Variants in HCRTR2 observed in about 807,000 individuals in gnomAD.
The protein encoded by HCRTR2 is hypocretin receptor 2, also known as orexin receptor type 2.
In HCRTR2, 22 loss-of-function variants were observed where a neutral mutation model predicts 49.0. The ratio of observed to expected loss-of-function variants is 0.45; its 90% confidence interval spans 0.32 to 0.64. The LOEUF (loss-of-function observed/expected upper bound fraction) is 0.64. HCRTR2 is among the 30% of genes least tolerant of loss of function. The pLI is 0.04. For synonymous variants in HCRTR2, 236 were observed against 205.3 expected, an observed-to-expected ratio of 1.15 and a Z score of -1.28; for missense variants, 491 against 559.4, an observed-to-expected ratio of 0.88 and a Z score of 1.23.
At chr6:55,149,215 T>C (rs762030451) in intron 1 of HCRTR2, among the ~76,000 whole-genome samples, 6 of 152,096 alleles carry the variant, frequency 3.9e-5, no homozygotes, top group Non-Finnish European at 5.9e-5. Flanking sequence ...ACAGTTTTGT[T>C]TTGTGGAAAA....
At chr6:55,263,077 A>G (rs1316285734) in intron 3 of HCRTR2, among the ~76,000 whole-genome samples, 1 of 151,980 alleles carries the variant, frequency 6.6e-6, no homozygotes, top group Non-Finnish European at 1.5e-5. Flanking sequence ...ATAAAAGCAT[A>G]CACACACCAC....
At chr6:55,282,012 G>T (rs901398629) in intron 6 of HCRTR2, among the ~76,000 whole-genome samples, 1 of 152,040 alleles carries the variant, frequency 6.6e-6, no homozygotes, top group Admixed American at 6.6e-5. Flanking sequence ...TATGTGAAAG[G>T]CAGCCTCGTT....
In HCRTR2 at chr6:55,231,701, G is replaced by A. The variant is rs974033816; in HGVS notation, c.224-16938G>A. 4.6e-5 allele frequency among the ~76,000 whole-genome samples: 7 copies of A among 152,238 alleles called. No individual in the cohort carries two copies. The South Asian group carries it at 1.5e-3, about 32-fold the overall frequency. On this transcript the variant is annotated intron_variant, in intron 1 of 6. Transcript: ENST00000370862. ...TTGTTAAAGAGAAAAGATTGCCAAG[G>A]CTTGCAGACTTGTGAGGTGGTTAAA...
intron 1 of HCRTR2, among the ~76,000 whole-genome samples, chr6:55,152,836 A>C (rs915633200): frequency 6.6e-6 from 1 of 152,020 alleles, no homozygotes; most frequent in African/African-American, 2.4e-5. Context: ...ATGGTTACCA[A>C]GTATTTTATT....
chr6:55,270,157 T>C (rs749722748), intron 4 of HCRTR2, among the ~76,000 whole-genome samples: 2 of 152,176 alleles, frequency 1.3e-5, no homozygotes, highest in Non-Finnish European at 2.9e-5. Flanking sequence ...AAAAGATGCA[T>C]TTATTAAATG....
rs1284092003 is a variant in HCRTR2, at chr6:55,255,262, T to C, written c.529T>C (p.Trp177Arg). The change falls in exon 3 of 7, where the codon TGG (tryptophan) becomes CGG (arginine). Residue 177 changes from tryptophan to arginine, a missense_variant. Physicochemically the swap from Trp to Arg is moderately radical, Grantham distance 101. Coordinates refer to ENST00000370862, the MANE Select transcript of HCRTR2 (RefSeq NM_001384272.1). ...GGCCCGTAACAGCATTGTCATCATCTGGATTGTCTCCTGCATTATAATGAT... is the reference window on the plus strand; with the variant it reads ...GGCCCGTAACAGCATTGTCATCATCCGGATTGTCTCCTGCATTATAATGAT... The part of the protein sequence containing the change: ...KRARNSIVII[W>R]IVSCIIMIPQ... The C allele has an allele frequency of 6.2e-7, 1 of 1,614,070 alleles. No homozygotes were observed.
chr6:55,137,547 G>A (rs77357775), intron 1 of HCRTR2, among the ~76,000 whole-genome samples: 4 of 152,294 alleles, frequency 2.6e-5, no homozygotes, highest in African/African-American at 7.2e-5. Context: ...GTAGGGCTGT[G>A]ATTATTAATC....
intron 1 of HCRTR2, among the ~76,000 whole-genome samples, chr6:55,108,665 G>A (rs1561973482): frequency 2.0e-5 from 3 of 152,122 alleles, no homozygotes; most frequent in Admixed American, 2.0e-4. Flanking sequence ...TGGCCCCTAA[G>A]GAAGCCCAGG....
At chr6:55,231,911 A>G (rs1385158340) in intron 1 of HCRTR2, among the ~76,000 whole-genome samples, 1 of 152,134 alleles carries the variant, frequency 6.6e-6, no homozygotes, top group East Asian at 1.9e-4. Context: ...AACGTGTTCC[A>G]AAGAAAACTC....
chr6:55,249,366 A>G (rs1246997552), intron 2 of HCRTR2, among the ~76,000 whole-genome samples: 1 of 152,130 alleles, frequency 6.6e-6, no homozygotes, highest in Non-Finnish European at 1.5e-5. Flanking sequence ...GTTTTAGTGT[A>G]GATTCTAATT....
At chr6:55,149,026 T>C (rs1416130659) in intron 1 of HCRTR2, among the ~76,000 whole-genome samples, 3 of 152,108 alleles carry the variant, frequency 2.0e-5, no homozygotes, top group Non-Finnish European at 4.4e-5. Flanking sequence ...ACTCAAAACA[T>C]TTGCATGAAT....
chr6:55,252,171 A>T (rs1314882868), intron 2 of HCRTR2, among the ~76,000 whole-genome samples: 2 of 152,088 alleles, frequency 1.3e-5, no homozygotes, highest in East Asian at 3.9e-4. Context: ...GGGTTCATTC[A>T]ATGGATTGGT....
At chr6:55,207,316 G>A (rs1234986448) in intron 1 of HCRTR2, among the ~76,000 whole-genome samples, 1 of 152,048 alleles carries the variant, frequency 6.6e-6, no homozygotes, top group African/African-American at 2.4e-5. Context: ...TTGCCATTTT[G>A]AATGAAAAAT....
chr6:55,233,985 G>T (rs1174811579), intron 1 of HCRTR2, among the ~76,000 whole-genome samples: 1 of 152,066 alleles, frequency 6.6e-6, no homozygotes, highest in Non-Finnish European at 1.5e-5. Context: ...AGAAAGGTTT[G>T]CCATCAGTCT....
intron 1 of HCRTR2, among the ~76,000 whole-genome samples, chr6:55,232,054 A>G (rs1766124959): frequency 1.3e-5 from 2 of 152,170 alleles, no homozygotes; most frequent in African/African-American, 4.8e-5. Context: ...TGTATACAAA[A>G]TAATTTCCTT....
At chr6:55,144,729 G>T (rs1764556340) in intron 1 of HCRTR2, among the ~76,000 whole-genome samples, 1 of 152,050 alleles carries the variant, frequency 6.6e-6, no homozygotes, top group African/African-American at 2.4e-5. Context: ...TGGTCTAGAG[G>T]ATCTTTGGCT....
intron 1 of HCRTR2, among the ~76,000 whole-genome samples, chr6:55,136,695 T>C (rs1284487138): frequency 6.6e-6 from 1 of 152,194 alleles, no homozygotes; most frequent in Non-Finnish European, 1.5e-5. Context: ...GTCTCCTGCA[T>C]CCAATTCCTG....
intron 4 of HCRTR2, among the ~76,000 whole-genome samples, chr6:55,275,556 AT>A (rs5876434): frequency 0.56 from 82,495 of 147,994 alleles, 23,006 homozygotes; most frequent in East Asian, 0.65. Flanking sequence ...GCATCACTAC[AT>A]TTTTTTTTTC....
chr6:55,131,969 A>G (rs1480257870), intron 1 of HCRTR2, among the ~76,000 whole-genome samples: 1 of 151,780 alleles, frequency 6.6e-6, no homozygotes, highest in Non-Finnish European at 1.5e-5. Flanking sequence ...TAGGGGCAAA[A>G]ATGACAGAAT....
Sources: gnomAD v4.1 joint callset for allele counts (sites outside exome capture counted in the v4.1 genomes callset) on GRCh38, gnomAD v4.1.1 for gene constraint, MANE v1.5 for transcripts, NCBI Gene and HGNC (gene_info 2026-07-23, HGNC 2026-07-21) for gene names.